The following SLC9A9 variants were observed in gnomAD, a reference collection of about 807,000 sequenced individuals.
SLC9A9 encodes the protein solute carrier family 9 member A9.
A neutral mutation model predicts 77.8 loss-of-function variants in SLC9A9; 62 were observed. The observed-to-expected ratio is 0.80, with a 90% CI of 0.65 to 0.98. The LOEUF (loss-of-function observed/expected upper bound fraction) is 0.98, where lower values mean the gene tolerates loss of function less well. SLC9A9 is among the 50% of genes least tolerant of loss of function. SLC9A9 has a pLI of 0.00. For synonymous variants in SLC9A9, 320 were observed against 283.5 expected, an observed-to-expected ratio of 1.13 and a Z score of -1.29; for missense variants, 775 against 774.9, an observed-to-expected ratio of 1.00 and a Z score of 0.00.
rs982968690 is a variant in SLC9A9, at chr3:143,266,242, A to C, written c.*460T>G. 1.1e-5 allele frequency: 7 copies of C among 624,296 alleles called. No individual in the cohort carries two copies. The allele number at this position is 624,296 out of a possible 1,614,324, so 38.7% of individuals were successfully genotyped here. On this transcript the variant is annotated 3_prime_UTR_variant, in exon 16 of 16. Coordinates refer to ENST00000316549, the MANE Select transcript of SLC9A9 (RefSeq NM_173653.4). ...AAGTCCTCAAAATAAGAAACTTATC[A>C]CTTACTAAATAGCTGGGCATTCCCT...
At chr3:143,666,531 G>A (rs991118373) in intron 5 of SLC9A9, among the ~76,000 whole-genome samples, 17 of 152,206 alleles carry the variant, frequency 1.1e-4, no homozygotes, top group Non-Finnish European at 2.1e-4. Flanking sequence ...ATTAGGAAAA[G>A]AGGAAATCAA....
At chr3:143,401,076 C>T (rs766626845) in intron 12 of SLC9A9, among the ~76,000 whole-genome samples, 4 of 152,110 alleles carry the variant, frequency 2.6e-5, no homozygotes, top group Admixed American at 6.5e-5. Context: ...GGAATGCAGA[C>T]CAATGCAGAT....
rs76389058 is a variant in SLC9A9, at chr3:143,423,065, C to G, written c.1470-40951G>C. On this transcript the variant is annotated intron_variant, in intron 12 of 15. Transcript: ENST00000316549. ...AGAACACAGGCTATTAGGTTTTTCACTGCCAGAGAAGGGAGTTAAAAATAT... is the reference window on the plus strand; with the variant it reads ...AGAACACAGGCTATTAGGTTTTTCAGTGCCAGAGAAGGGAGTTAAAAATAT... 6.2e-3 allele frequency among the ~76,000 whole-genome samples: 939 copies of G among 152,180 alleles called. 6 individuals are homozygous for G. Among genetic ancestry groups the G allele is most frequent in the African/African-American group, 0.021 (858 of 41,506 alleles).
At chr3:143,728,498 C>T (rs578110789) in intron 4 of SLC9A9, among the ~76,000 whole-genome samples, 3 of 152,138 alleles carry the variant, frequency 2.0e-5, no homozygotes, top group Non-Finnish European at 4.4e-5. Flanking sequence ...GATGGATCAG[C>T]ACGGAGAGGA....
At chr3:143,374,349 C>T (rs1576456020) in intron 13 of SLC9A9, among the ~76,000 whole-genome samples, 1 of 147,914 alleles carries the variant, frequency 6.8e-6, no homozygotes, top group Non-Finnish European at 1.5e-5. Flanking sequence ...GGCGTGAACC[C>T]GGGAGGCGGA....
intron 11 of SLC9A9, among the ~76,000 whole-genome samples, chr3:143,470,909 CTT>C (rs1471535887): frequency 2.6e-5 from 4 of 152,066 alleles, no homozygotes; most frequent in Non-Finnish European, 5.9e-5. Flanking sequence ...GTTATACTGA[CTT>C]TTGAAAAAAT....
At chr3:143,283,723 G>T (rs1203609220) in intron 14 of SLC9A9, among the ~76,000 whole-genome samples, 1 of 152,172 alleles carries the variant, frequency 6.6e-6, no homozygotes, top group Admixed American at 6.5e-5. Flanking sequence ...CTTTCAGAGT[G>T]AGTATAAAAC....
Position 143,318,664 on chromosome 3 carries a change from G to A in SLC9A9, c.1604+44820C>T, listed in dbSNP as rs541881341. 3.9e-5 allele frequency among the ~76,000 whole-genome samples: 6 copies of A among 152,284 alleles called. No individual in the cohort carries two copies. The South Asian group carries it at 1.2e-3, about 32-fold the overall frequency. On this transcript the variant is annotated intron_variant, in intron 14 of 15. Transcript: ENST00000316549. ...GCCAGAGTCCTCACCAGTTCTCCCT[G>A]ACATGGAGTGGGGTCTCAGTGGCCA...
intron 1 of SLC9A9, 102 bp from the exon 2 acceptor site, chr3:143,832,323 G>C: frequency 1.9e-6 from 2 of 1,026,628 alleles, no homozygotes; most frequent in Admixed American, 2.1e-5. Context: ...ACAGGATAAA[G>C]TGTTGGGTTA....
At chr3:143,412,155 T>C (rs531079424) in intron 12 of SLC9A9, among the ~76,000 whole-genome samples, 1 of 152,144 alleles carries the variant, frequency 6.6e-6, no homozygotes, top group South Asian at 2.1e-4. Context: ...GGCCTTCTCT[T>C]TGAAGAAGGG....
intron 6 of SLC9A9, among the ~76,000 whole-genome samples, chr3:143,643,804 T>C (rs2038659813): frequency 6.6e-6 from 1 of 152,148 alleles, no homozygotes; most frequent in Non-Finnish European, 1.5e-5. Flanking sequence ...GGATTCCATG[T>C]CACTGGTCAC....
At chr3:143,511,808 G>C (rs1031129444) in intron 9 of SLC9A9, among the ~76,000 whole-genome samples, 1 of 152,016 alleles carries the variant, frequency 6.6e-6, no homozygotes, top group Non-Finnish European at 1.5e-5. Flanking sequence ...CAGACACTTT[G>C]GTCTTTTATC....
chr3:143,762,930 G>T (rs993090866), intron 4 of SLC9A9, among the ~76,000 whole-genome samples: 1 of 152,154 alleles, frequency 6.6e-6, no homozygotes, highest in Non-Finnish European at 1.5e-5. Flanking sequence ...ACAAACAGTG[G>T]GAAGCAATCA....
intron 4 of SLC9A9, among the ~76,000 whole-genome samples, chr3:143,750,082 A>G (rs948857499): frequency 2.6e-5 from 4 of 152,202 alleles, no homozygotes; most frequent in African/African-American, 9.7e-5. Flanking sequence ...AGAGAAAGAG[A>G]CAGAGAGAAA....
intron 2 of SLC9A9, among the ~76,000 whole-genome samples, chr3:143,813,510 C>T (rs904452463): frequency 2.7e-4 from 41 of 152,124 alleles, no homozygotes; most frequent in African/African-American, 9.4e-4. Context: ...TGGAATTAGC[C>T]TGCTTGATGA....
At chr3:143,565,054 A>T (rs961766959) in intron 8 of SLC9A9, among the ~76,000 whole-genome samples, 1 of 152,158 alleles carries the variant, frequency 6.6e-6, no homozygotes, top group Non-Finnish European at 1.5e-5. Context: ...TAACACATTT[A>T]CATCAATGTT....
intron 12 of SLC9A9, among the ~76,000 whole-genome samples, chr3:143,383,954 G>T (rs760466792): frequency 6.6e-6 from 1 of 152,208 alleles, no homozygotes; most frequent in Non-Finnish European, 1.5e-5. Flanking sequence ...TCACAGGTAA[G>T]TGTCTTCTGG....
At chr3:143,785,245 T>C (rs2008011194) in intron 4 of SLC9A9, among the ~76,000 whole-genome samples, 1 of 152,182 alleles carries the variant, frequency 6.6e-6, no homozygotes. Flanking sequence ...TACAAGGCAG[T>C]GAGAGCAATG....
intron 6 of SLC9A9, among the ~76,000 whole-genome samples, chr3:143,608,387 G>A (rs1174787285): frequency 1.3e-5 from 2 of 152,120 alleles, no homozygotes; most frequent in African/African-American, 4.8e-5. Flanking sequence ...AAGGCTTTTG[G>A]CTGTTGGTCT....
Sources: gnomAD v4.1 joint callset for allele counts (sites outside exome capture counted in the v4.1 genomes callset) on GRCh38, gnomAD v4.1.1 for gene constraint, MANE v1.5 for transcripts, NCBI Gene and HGNC (gene_info 2026-07-23, HGNC 2026-07-21) for gene names.